Variants in NCKAP5 observed in about 807,000 individuals in gnomAD.
NCKAP5 encodes nck-associated protein 5.
A neutral mutation model predicts 167.0 loss-of-function variants in NCKAP5; 92 were observed. That is an observed-to-expected ratio of 0.55 (90% confidence interval 0.47 to 0.66). NCKAP5 has a LOEUF of 0.66. Among genes scored for constraint, NCKAP5 ranks in the 30% least tolerant of loss-of-function variants. The pLI is 0.00. For missense variants in NCKAP5, 2,378 were observed against 2,315.0 expected, an observed-to-expected ratio of 1.03 and a Z score of -0.56; for synonymous variants, 891 against 877.4, an observed-to-expected ratio of 1.02 and a Z score of -0.27.
At chr2:133,501,811 G>A (rs995037054) in intron 3 of NCKAP5, among the ~76,000 whole-genome samples, 2 of 152,220 alleles carry the variant, frequency 1.3e-5, no homozygotes, top group Non-Finnish European at 2.9e-5. Flanking sequence ...TCTCATTCAA[G>A]TGAGAAACCT....
At chr2:133,037,848 G>A (rs1233423228) in intron 6 of NCKAP5, among the ~76,000 whole-genome samples, 1 of 152,148 alleles carries the variant, frequency 6.6e-6, no homozygotes, top group Non-Finnish European at 1.5e-5. Flanking sequence ...TCAAGAAAGT[G>A]AAGAGACAAT....
intron 4 of NCKAP5, among the ~76,000 whole-genome samples, chr2:133,231,892 A>G (rs2087166631): frequency 6.6e-6 from 1 of 152,228 alleles, no homozygotes; most frequent in Non-Finnish European, 1.5e-5. Flanking sequence ...ATTTTATGCT[A>G]GTCATTTTCC....
At chr2:133,442,025 A>G (rs1447008719) in intron 3 of NCKAP5, among the ~76,000 whole-genome samples, 2 of 152,204 alleles carry the variant, frequency 1.3e-5, no homozygotes, top group African/African-American at 4.8e-5. Context: ...ATGTCACAAC[A>G]AAAAAGACCC....
rs111602100 is a variant in NCKAP5 at position 132,816,156 on chromosome 2, G to A, written c.808-19427C>T. On this transcript the variant is annotated intron_variant, in intron 11 of 19. Coordinates refer to ENST00000409261, the MANE Select transcript of NCKAP5 (RefSeq NM_207363.3). Reference sequence around the variant, plus strand: ...TTCAAGAGATGGAGCTCTTGGATTCGTAAGGTTGTGGTGAGGATTTAATTA... The same window carrying A: ...TTCAAGAGATGGAGCTCTTGGATTCATAAGGTTGTGGTGAGGATTTAATTA... Among the ~76,000 whole-genome samples the A allele has an allele frequency of 3.5e-3, 537 of 152,212 alleles. 3 individuals are homozygous for A. The highest frequency in any genetic ancestry group is 0.012 in the African/African-American group (508 of 41,530).
Position 133,345,117 on chromosome 2 carries a change from T to C in NCKAP5, c.70-42007A>G, listed in dbSNP as rs111565331. Among the ~76,000 whole-genome samples the C allele has an allele frequency of 1.1e-3, 164 of 152,052 alleles. 2 individuals carry two copies. The highest frequency in any genetic ancestry group is 3.8e-3 in the African/African-American group (158 of 41,466). On this transcript the variant is annotated intron_variant, in intron 3 of 19. Coordinates refer to ENST00000409261, the MANE Select transcript of NCKAP5 (RefSeq NM_207363.3). ...GTGTGAATCATTGCCCCAAAATATC[T>C]CCTGTTAAGCTCTCCCTATTTCTGA...
chr2:133,476,504 C>T (rs1265295628), intron 3 of NCKAP5, among the ~76,000 whole-genome samples: 3 of 152,174 alleles, frequency 2.0e-5, no homozygotes, highest in African/African-American at 7.2e-5. Flanking sequence ...TTCCAGGGCC[C>T]TTATCATTGA....
chr2:133,274,512 C>G (rs921061453), intron 4 of NCKAP5, among the ~76,000 whole-genome samples: 13 of 151,852 alleles, frequency 8.6e-5, no homozygotes, highest in African/African-American at 2.9e-4. Context: ...CCAGCGAGTC[C>G]TAAATTTATT....
At chr2:133,124,684 T>C (rs1017575977) in intron 6 of NCKAP5, among the ~76,000 whole-genome samples, 10 of 152,218 alleles carry the variant, frequency 6.6e-5, no homozygotes, top group African/African-American at 2.4e-4. Flanking sequence ...AATTCTACTT[T>C]TTCTTGAGGG....
intron 6 of NCKAP5, among the ~76,000 whole-genome samples, chr2:133,075,604 G>A (rs1004002596): frequency 1.3e-5 from 2 of 152,144 alleles, no homozygotes; most frequent in African/African-American, 4.8e-5. Context: ...CATAGTTAAA[G>A]ATTTATATGT....
chr2:132,944,741 G>A (rs548535790), intron 8 of NCKAP5, among the ~76,000 whole-genome samples: 1 of 152,308 alleles, frequency 6.6e-6, no homozygotes, highest in East Asian at 1.9e-4. Flanking sequence ...TGTCCTGAAA[G>A]AGCGACATTT....
Position 133,181,490 on chromosome 2 carries a change from T to C in NCKAP5, c.207+32226A>G, listed in dbSNP as rs574372697. ...CATCAATAATTCCATTGAAAGTAAATGATCTAAATGTGCTAATTAAAATCA... is the reference window on the plus strand; with the variant it reads ...CATCAATAATTCCATTGAAAGTAAACGATCTAAATGTGCTAATTAAAATCA... On this transcript the variant is annotated intron_variant, in intron 5 of 19. Coordinates refer to ENST00000409261, the MANE Select transcript of NCKAP5 (RefSeq NM_207363.3). 3.3e-5 allele frequency among the ~76,000 whole-genome samples: 5 copies of C among 150,124 alleles called. No individual in the cohort carries two copies. In the East Asian group the frequency reaches 5.9e-4, roughly 18 times the overall value.
At position 132,790,024 on chromosome 2, in the gene NCKAP5, C is replaced by G; in HGVS notation, c.1091G>C (p.Arg364Thr). 2 of 1,611,442 alleles carry G rather than the reference C, an allele frequency of 1.2e-6. No homozygotes were observed. Among genetic ancestry groups the G allele is most frequent in the Non-Finnish European group, 1.7e-6 (2 of 1,178,584 alleles). The change falls in exon 13 of 20, where the codon AGG becomes ACG. Residue 364 changes from arginine (R) to threonine (T), a missense_variant and splice_region_variant. This residue lies in a region of NCKAP5 where 1,049 missense variants were observed against 1,023.4 expected (regional missense o/e 1.02). Coordinates refer to ENST00000409261, the MANE Select transcript of NCKAP5 (RefSeq NM_207363.3). ...CATTCCGATGCCACAGTGCCTTACC[C>G]TTTTCCTGAGGTTCTTCCCATCGTG... ...TWHDGKNLRKRQSSQNWDKRL... is the reference protein window; with the variant it reads ...TWHDGKNLRKTQSSQNWDKRL...
intron 14 of NCKAP5, 30 bp from the exon 15 acceptor site, chr2:132,781,259 G>A (rs2105017893): frequency 3.1e-6 from 5 of 1,598,166 alleles, no homozygotes; most frequent in Admixed American, 3.5e-5. Flanking sequence ...CCTCTGATAA[G>A]TTACCTTGCT....
the NCKAP5 span, among the ~76,000 whole-genome samples, chr2:133,614,930 A>T: frequency 1.3e-5 from 2 of 152,250 alleles, no homozygotes; most frequent in Admixed American, 6.5e-5. Context: ...AGGGAAGCCC[A>T]TCAGACTAAC....
chr2:133,516,940 A>C (rs985185644), intron 3 of NCKAP5, among the ~76,000 whole-genome samples: 1 of 152,198 alleles, frequency 6.6e-6, no homozygotes, highest in Non-Finnish European at 1.5e-5. Context: ...TTCACACCGG[A>C]TAGCAAACCC....
chr2:133,588,658 T>C, the NCKAP5 span, among the ~76,000 whole-genome samples: 1 of 152,230 alleles, frequency 6.6e-6, no homozygotes, highest in African/African-American at 2.4e-5. Flanking sequence ...GAAGGACATA[T>C]TAGGCAATAA....
chr2:132,855,165 G>T (rs1489171692), intron 11 of NCKAP5, among the ~76,000 whole-genome samples: 1 of 152,118 alleles, frequency 6.6e-6, no homozygotes, highest in Non-Finnish European at 1.5e-5. Flanking sequence ...ATTTTTCAAA[G>T]TGTCCCTTAC....
At chr2:132,745,638 T>C (rs1460872106) in intron 16 of NCKAP5, among the ~76,000 whole-genome samples, 2 of 151,820 alleles carry the variant, frequency 1.3e-5, no homozygotes, top group Non-Finnish European at 2.9e-5. Context: ...GGCATAGAGA[T>C]TAGAAAGAAT....
chr2:132,772,883 C>T (rs993683430), intron 16 of NCKAP5, among the ~76,000 whole-genome samples: 1 of 152,092 alleles, frequency 6.6e-6, no homozygotes, highest in African/African-American at 2.4e-5. Context: ...AACATGGCGC[C>T]GAATAGTGGG....
Sources: gnomAD v4.1 joint callset for allele counts (sites outside exome capture counted in the v4.1 genomes callset) on GRCh38, gnomAD v4.1.1 for gene constraint, gnomAD v4.1.1 regional missense constraint, MANE v1.5 for transcripts, NCBI Gene and HGNC (gene_info 2026-07-23, HGNC 2026-07-21) for gene names.